The following RAB37 variants were observed in gnomAD, a reference collection of about 807,000 sequenced individuals.
The protein encoded by RAB37 is RAB37, member RAS oncogene family.
In RAB37, 29 loss-of-function variants were observed where a neutral mutation model predicts 33.1. The ratio of observed to expected loss-of-function variants is 0.88; its 90% confidence interval spans 0.65 to 1.20. RAB37 has a LOEUF of 1.20. Ranked by LOEUF, RAB37 falls within the 50% of genes most tolerant of loss-of-function variation. RAB37 has a pLI of 0.00. For synonymous variants in RAB37, 128 were observed against 119.5 expected, an observed-to-expected ratio of 1.07 and a Z score of -0.47; for missense variants, 299 against 301.1, an observed-to-expected ratio of 0.99 and a Z score of 0.05.
intron 1 of RAB37, chr17:74,695,975 T>G (rs2032428329): frequency 7.4e-7 from 1 of 1,344,846 alleles, no homozygotes; most frequent in Non-Finnish European, 1.0e-6. Context: ...CCTCTCCCAT[T>G]TCCCTCCGTG....
chr17:74,728,691 T>C (rs2034340692), intron 1 of RAB37, among the ~76,000 whole-genome samples: 1 of 151,670 alleles, frequency 6.6e-6, no homozygotes, highest in Non-Finnish European at 1.5e-5. Context: ...TGCATGTGTG[T>C]TCTGTGCATG....
intron 1 of RAB37, among the ~76,000 whole-genome samples, chr17:74,728,968 A>C (rs1216600593): frequency 6.7e-6 from 1 of 148,540 alleles, no homozygotes. Context: ...TGTGTTGTAC[A>C]TGTGTGTACG....
chr17:74,680,027 G>C (rs181184030), intron 1 of RAB37, among the ~76,000 whole-genome samples: 1 of 151,294 alleles, frequency 6.6e-6, no homozygotes. Context: ...ACTTGCTCAA[G>C]GTCATAGCCA....
rs535783718 is a variant in RAB37 at position 74,741,587 on chromosome 17, G to GAAAA, written c.205-654_205-651dup. ...GGCAACAAAGTGAGACTGCGTCTCA[G>GAAAA]AAAAAAAAAAAAAAAAGAGCTGGGC... On this transcript the variant is annotated intron_variant, in intron 2 of 8. Transcript: ENST00000392613. Among the ~76,000 whole-genome samples the GAAAA allele has an allele frequency of 9.8e-3, 1,249 of 127,148 alleles. 35 individuals are homozygous for GAAAA. The highest frequency in any genetic ancestry group is 0.036 in the African/African-American group (1,138 of 31,552). The allele number at this position is 127,148 out of a possible 152,430, so 83.4% of individuals were successfully genotyped here. A position where few individuals can be genotyped will look rare whatever the true frequency, so the allele number is the denominator to read the frequency against.
chr17:74,696,225 A>G (rs1314950414), intron 1 of RAB37: 2 of 1,606,112 alleles, frequency 1.2e-6, no homozygotes, highest in African/African-American at 2.7e-5. Flanking sequence ...CTGCTAAAAG[A>G]CAAACAACAA....
chr17:74,698,613 C>G, intron 1 of RAB37: 2 of 1,494,744 alleles, frequency 1.3e-6, no homozygotes, highest in African/African-American at 1.4e-5. Flanking sequence ...AGCCTGGGAA[C>G]CCTCACTCCT....
At chr17:74,708,185 A>G (rs1016144313) in intron 1 of RAB37, among the ~76,000 whole-genome samples, 1 of 151,406 alleles carries the variant, frequency 6.6e-6, no homozygotes, top group Non-Finnish European at 1.5e-5. Flanking sequence ...GAAAGAAAAG[A>G]AAAAAAATAC....
chr17:74,691,763 G>C (rs954397947), intron 1 of RAB37, among the ~76,000 whole-genome samples: 2 of 152,106 alleles, frequency 1.3e-5, no homozygotes, highest in African/African-American at 4.8e-5. Context: ...TATACATTCT[G>C]GGTAGTGCTG....
intron 1 of RAB37, among the ~76,000 whole-genome samples, chr17:74,697,232 C>G (rs551815758): frequency 1.3e-5 from 2 of 152,166 alleles, no homozygotes; most frequent in Non-Finnish European, 2.9e-5. Flanking sequence ...GCATGAGCCA[C>G]GACACCCAGA....
chr17:74,745,173 G>A lies in RAB37; in HGVS notation c.566+89G>A, dbSNP rs955192388. Reference sequence around the variant, plus strand: ...GGCCCGGCCCCTGGCCCAGCCCCTGGACACACCTGCATTCTGCAGGCTGAG... The same window carrying A: ...GGCCCGGCCCCTGGCCCAGCCCCTGAACACACCTGCATTCTGCAGGCTGAG... On this transcript the variant is annotated intron_variant, in intron 8 of 8. Coordinates refer to ENST00000392613, the MANE Select transcript of RAB37 (RefSeq NM_001006638.3). The surrounding 1 kb of genome is among the most constrained non-coding windows in gnomAD (Gnocchi z 4.5). 3 of 1,547,406 alleles carry A rather than the reference G, an allele frequency of 1.9e-6. No homozygotes were observed. Among genetic ancestry groups the A allele is most frequent in the African/African-American group, 2.7e-5 (2 of 73,526 alleles).
At chr17:74,686,205 C>T (rs1277863859) in intron 1 of RAB37, among the ~76,000 whole-genome samples, 1 of 152,084 alleles carries the variant, frequency 6.6e-6, no homozygotes, top group Non-Finnish European at 1.5e-5. Flanking sequence ...AATTCTCCTA[C>T]CTCAGCATCC....
rs562431903 is a variant in RAB37, at chr17:74,687,347, C to A, written c.72+15689C>A. Reference sequence around the variant, plus strand: ...CAAGCAATTCTCCTTTCTCGGCCTCCCAAGTAGCTGGGATTACAGGGGCCC... The same window carrying A: ...CAAGCAATTCTCCTTTCTCGGCCTCACAAGTAGCTGGGATTACAGGGGCCC... On this transcript the variant is annotated intron_variant, in intron 1 of 7. Transcript: ENST00000340415. Among the ~76,000 whole-genome samples, 3 of 152,230 alleles carry A rather than the reference C, an allele frequency of 2.0e-5. No individual in the cohort carries two copies. The East Asian group carries it at 5.8e-4, about 29-fold the overall frequency.
chr17:74,717,117 G>A (rs536441827), intron 1 of RAB37, among the ~76,000 whole-genome samples: 4 of 152,170 alleles, frequency 2.6e-5, no homozygotes, highest in Non-Finnish European at 4.4e-5. Flanking sequence ...CCTGGGCAAC[G>A]AGAGCGAAAC....
In RAB37 at chr17:74,744,507, C is replaced by G; in HGVS notation, c.432+134C>G. The G allele has an allele frequency of 1.2e-6, 1 of 840,896 alleles. No homozygotes were observed. The highest frequency in any genetic ancestry group is 2.6e-5 in the East Asian group (1 of 38,094). The allele number at this position is 840,896 out of a possible 1,614,324, so 52.1% of individuals were successfully genotyped here. A position where few individuals can be genotyped will look rare whatever the true frequency, so the allele number is the denominator to read the frequency against. On this transcript the variant is annotated intron_variant, in intron 6 of 8. Transcript: ENST00000392613. This position sits in a 1 kb window ranked among gnomAD's most constrained non-coding sequence, Gnocchi z 4.2. ...TGCAGCCTCCAGCTCAGGGGTCAGA[C>G]ATATCTGGAGGCTTCTGCCCATCCC...
intron 1 of RAB37, among the ~76,000 whole-genome samples, chr17:74,707,575 TG>T (rs1285995137): frequency 6.6e-6 from 1 of 151,648 alleles, no homozygotes; most frequent in East Asian, 2.0e-4. Context: ...ATTAACCAGG[TG>T]TGGTGGAGTG....
intron 1 of RAB37, among the ~76,000 whole-genome samples, chr17:74,700,274 C>T (rs1350719586): frequency 1.3e-5 from 2 of 152,198 alleles, no homozygotes; most frequent in Admixed American, 6.6e-5. Context: ...GCCTCCACTC[C>T]TGCCTACGAC....
intron 1 of RAB37, among the ~76,000 whole-genome samples, chr17:74,683,518 C>T (rs1046353318): frequency 2.0e-5 from 3 of 152,226 alleles, no homozygotes; most frequent in African/African-American, 7.2e-5. Flanking sequence ...AGTATGCCAC[C>T]TACAAAGTCA....
chr17:74,742,110 C>A lies in RAB37; in HGVS notation c.205-144C>A, dbSNP rs555002803. 5 of 944,316 alleles carry A rather than the reference C, an allele frequency of 5.3e-6. No homozygotes were observed. Among genetic ancestry groups the A allele is most frequent in the African/African-American group, 1.7e-5 (1 of 59,324 alleles). The allele number at this position is 944,316 out of a possible 1,614,324, so 58.5% of individuals were successfully genotyped here. A position where few individuals can be genotyped will look rare whatever the true frequency, so the allele number is the denominator to read the frequency against. The stretch of plus-strand genomic sequence containing the variant: ...GTGTCTGGGTATGGGGTTCCTGCTG[C>A]CCTGATGGTATGATCTGGCTGGAGA... On this transcript the variant is annotated intron_variant, in intron 2 of 8. Coordinates refer to ENST00000392613, the MANE Select transcript of RAB37 (RefSeq NM_001006638.3). The surrounding 1 kb of genome is among the most constrained non-coding windows in gnomAD (Gnocchi z 4.0).
chr17:74,705,953 T>C (rs1030692627), intron 1 of RAB37, among the ~76,000 whole-genome samples: 7 of 152,202 alleles, frequency 4.6e-5, no homozygotes, highest in Admixed American at 1.3e-4. Context: ...GCAACATGGA[T>C]GTGGCTGGAG....
Sources: gnomAD v4.1 joint callset for allele counts (sites outside exome capture counted in the v4.1 genomes callset) on GRCh38, gnomAD v4.1.1 for gene constraint, Gnocchi (gnomAD v3.1) non-coding constraint, MANE v1.5 for transcripts, NCBI Gene and HGNC (gene_info 2026-07-23, HGNC 2026-07-21) for gene names.